TFCP2L1: variants seen among roughly 807,000 people sequenced by gnomAD.
TFCP2L1 encodes the protein transcription factor CP2-like protein 1.
TFCP2L1 carries 12 observed loss-of-function variants against 72.2 expected under a neutral mutation model. The ratio of observed to expected loss-of-function variants is 0.17; its 90% CI spans 0.11 to 0.27. The LOEUF (loss-of-function observed/expected upper bound fraction) is 0.27, where lower values mean the gene tolerates loss of function less well. Among genes scored for constraint, TFCP2L1 ranks in the 10% least tolerant of loss-of-function variants. The probability of loss-of-function intolerance (pLI) is 1.00; values close to 1 mark genes in which losing one functional copy is unlikely to be tolerated. For synonymous variants in TFCP2L1, 260 were observed against 251.0 expected, an observed-to-expected ratio of 1.04 and a Z score of -0.34; for missense variants, 488 against 624.6, an observed-to-expected ratio of 0.78 and a Z score of 2.33.
At position 121,249,586 on chromosome 2, in the gene TFCP2L1, G is replaced by A; in HGVS notation, c.276C>T (p.Asn92=). ...TGAGGCTTACCTTGACATATTTTGTGTTCAGATCTTGAAAGTCTCCCAGCT... is the reference window on the plus strand; with the variant it reads ...TGAGGCTTACCTTGACATATTTTGTATTCAGATCTTGAAAGTCTCCCAGCT... ...NRKLGDFQDL[N]TKYVKSIIRV... The change falls in exon 3 of 15, where the codon AAC becomes AAT. Residue 92 remains asparagine, a synonymous_variant. Coordinates refer to ENST00000263707, the MANE Select transcript of TFCP2L1 (RefSeq NM_014553.3). 1 of 1,614,182 alleles carries A rather than the reference G, an allele frequency of 6.2e-7. No individual in the cohort carries two copies.
At chr2:121,256,813 G>A (rs565732463) in intron 2 of TFCP2L1, among the ~76,000 whole-genome samples, 5 of 151,912 alleles carry the variant, frequency 3.3e-5, no homozygotes, top group East Asian at 1.9e-4. Flanking sequence ...AAAATTACCC[G>A]GGCGTGGTGG....
chr2:121,269,766 A>G (rs1687006356), intron 2 of TFCP2L1, among the ~76,000 whole-genome samples: 1 of 151,888 alleles, frequency 6.6e-6, no homozygotes. Context: ...AAAATTAGCC[A>G]GGCGTGGTAG....
chr2:121,255,747 T>TA (rs1199621510), intron 2 of TFCP2L1, among the ~76,000 whole-genome samples: 1 of 142,960 alleles, frequency 7.0e-6, no homozygotes, highest in Non-Finnish European at 1.5e-5. Context: ...CTGAACTTAT[T>TA]TTTTTTTTTT....
chr2:121,277,195 C>T (rs921642891), intron 2 of TFCP2L1, among the ~76,000 whole-genome samples: 3 of 152,120 alleles, frequency 2.0e-5, no homozygotes, highest in African/African-American at 7.2e-5. Context: ...ACTGCATTAA[C>T]AATCACAGAA....
chr2:121,258,073 T>C (rs983095856), intron 2 of TFCP2L1, among the ~76,000 whole-genome samples: 1 of 152,190 alleles, frequency 6.6e-6, no homozygotes, highest in African/African-American at 2.4e-5. Flanking sequence ...CTGGAACTTG[T>C]CAGCCAAACC....
intron 14 of TFCP2L1, among the ~76,000 whole-genome samples, chr2:121,224,857 C>T (rs1031589151): frequency 9.2e-5 from 14 of 152,204 alleles, no homozygotes; most frequent in South Asian, 2.1e-4. Context: ...TGGTGGCGGG[C>T]GCCTGTAGTC....
At chr2:121,239,016 T>G (rs377360190) in intron 8 of TFCP2L1, among the ~76,000 whole-genome samples, 5 of 152,218 alleles carry the variant, frequency 3.3e-5, no homozygotes, top group African/African-American at 1.2e-4. Flanking sequence ...CCCCGTGCTG[T>G]GCAGCCCACA....
chr2:121,248,607 TG>T (rs1262803019), intron 4 of TFCP2L1, among the ~76,000 whole-genome samples: 1 of 152,214 alleles, frequency 6.6e-6, no homozygotes, highest in Non-Finnish European at 1.5e-5. Flanking sequence ...ACAAGGATTA[TG>T]GGTAAAGGAC....
intron 2 of TFCP2L1, among the ~76,000 whole-genome samples, 174 bp downstream of exon 2, chr2:121,280,946 G>A (rs1182311661): frequency 6.6e-6 from 1 of 152,084 alleles, no homozygotes; most frequent in Non-Finnish European, 1.5e-5. Flanking sequence ...ACTGAGGCTG[G>A]AGGGGGTCAC....
chr2:121,237,554 G>A, intron 10 of TFCP2L1, 69 bp downstream of exon 10: 1 of 1,554,982 alleles, frequency 6.4e-7, no homozygotes, highest in Non-Finnish European at 8.8e-7. Context: ...AGCAAGGCCT[G>A]GAAGGTGGCC....
intron 8 of TFCP2L1, among the ~76,000 whole-genome samples, chr2:121,238,940 C>A (rs1341826928): frequency 6.6e-6 from 1 of 152,108 alleles, no homozygotes; most frequent in Non-Finnish European, 1.5e-5. Context: ...CAGCCTCCCA[C>A]CCACTCTCCT....
rs898062664 is a variant in TFCP2L1 at position 121,221,859 on chromosome 2, T to C, written c.*2482A>G. The C allele has an allele frequency of 6.6e-6, 1 of 152,020 alleles. No individual in the cohort carries two copies. The highest frequency in any genetic ancestry group is 2.1e-4 in the South Asian group (1 of 4,808). The allele number at this position is 152,020 out of a possible 1,614,324, so 9.4% of individuals were successfully genotyped here. ...ACATTTTTACCAGTCATATACCTGA[T>C]AAAAGACTGGCGTCTAGAATATACA... On this transcript the variant is annotated 3_prime_UTR_variant, in exon 15 of 15. Coordinates refer to ENST00000263707, the MANE Select transcript of TFCP2L1 (RefSeq NM_014553.3).
At chr2:121,239,466 G>C in intron 8 of TFCP2L1, 92 bp downstream of exon 8, 1 of 1,413,920 alleles carries the variant, frequency 7.1e-7, no homozygotes, top group African/African-American at 1.4e-5. Flanking sequence ...AACCCAAACA[G>C]AAAGGAGAGG....
chr2:121,259,001 A>C (rs1686781378), intron 2 of TFCP2L1, among the ~76,000 whole-genome samples: 1 of 152,184 alleles, frequency 6.6e-6, no homozygotes, highest in Non-Finnish European at 1.5e-5. Flanking sequence ...TAATCCCAGC[A>C]CTTTGGGAGG....
At chr2:121,278,029 CTTTT>C (rs530823906) in intron 2 of TFCP2L1, among the ~76,000 whole-genome samples, 2 of 122,702 alleles carry the variant, frequency 1.6e-5, no homozygotes, top group Admixed American at 8.7e-5. Flanking sequence ...CTTTTTCTCT[CTTTT>C]TTTTTTTTTT....
chr2:121,232,106 CTTTTTGTTTT>C (rs1311037683), intron 12 of TFCP2L1, 138 bp from the exon 13 acceptor site: 9 of 747,582 alleles, frequency 1.2e-5, no homozygotes, highest in African/African-American at 9.9e-5. Flanking sequence ...CACTGCCACT[CTTTTTGTTTT>C]GTTTTGTTTT....
chr2:121,258,608 T>C (rs994660917), intron 2 of TFCP2L1, among the ~76,000 whole-genome samples: 11 of 152,126 alleles, frequency 7.2e-5, no homozygotes, highest in Admixed American at 3.3e-4. Context: ...AATCTCAACA[T>C]GAGGAAACAC....
chr2:121,267,560 C>G (rs1453214669), intron 2 of TFCP2L1, among the ~76,000 whole-genome samples: 2 of 151,494 alleles, frequency 1.3e-5, no homozygotes, highest in Non-Finnish European at 2.9e-5. Context: ...GTGGCGCGAT[C>G]TCGACTCACT....
In TFCP2L1 at chr2:121,275,398, C is replaced by CAAAAA. The variant is rs575514638; in HGVS notation, c.214+5717_214+5721dup. Among the ~76,000 whole-genome samples the CAAAAA allele has an allele frequency of 1.2e-3, 76 of 65,708 alleles. 2 individuals are homozygous for CAAAAA. The highest frequency in any genetic ancestry group is 4.0e-3 in the African/African-American group (58 of 14,596). The allele number at this position is 65,708 out of a possible 152,430, so 43.1% of individuals were successfully genotyped here. A position where few individuals can be genotyped will look rare whatever the true frequency, so the allele number is the denominator to read the frequency against. ...TGGGCGACAGCACGAGACTCCATCTCAAAAAAAAAAAAAAAAAGAAATAAC... is the reference window on the plus strand; with the variant it reads ...TGGGCGACAGCACGAGACTCCATCTCAAAAAAAAAAAAAAAAAAAAAAGAAATAAC... On this transcript the variant is annotated intron_variant, in intron 2 of 14. Coordinates refer to ENST00000263707, the MANE Select transcript of TFCP2L1 (RefSeq NM_014553.3).
Sources: allele counts gnomAD v4.1 joint callset (sites outside exome capture counted in the v4.1 genomes callset), GRCh38; gene constraint gnomAD v4.1.1; transcripts MANE v1.5; gene names NCBI Gene and HGNC (gene_info 2026-07-23, HGNC 2026-07-21).